Variants in AP4E1 observed in about 807,000 individuals in gnomAD.
The protein encoded by AP4E1 is adaptor related protein complex 4 subunit epsilon 1, also known as AP-4 complex subunit epsilon-1.
In AP4E1, 56 loss-of-function variants were observed where a neutral mutation model predicts 128.2. The observed-to-expected ratio is 0.44, with a 90% confidence interval of 0.35 to 0.55. The LOEUF (loss-of-function observed/expected upper bound fraction) is 0.55, where lower values mean the gene tolerates loss of function less well. AP4E1 is among the 20% of genes least tolerant of loss of function. The pLI, the probability that AP4E1 is intolerant of heterozygous loss-of-function variation, is 0.00. For synonymous variants in AP4E1, 484 were observed against 473.1 expected (o/e 1.02, Z -0.30); for missense variants, 1,324 against 1,307.7 (o/e 1.01, Z -0.19).
intron 15 of AP4E1, among the ~76,000 whole-genome samples, chr15:50,977,563 T>G (rs137903865): frequency 0.011 from 1,636 of 152,212 alleles, 28 homozygotes; most frequent in African/African-American, 0.038. Context: ...AGCAAGTATT[T>G]AATAAATACT....
chr15:50,947,140 G>A (rs2064073211), intron 10 of AP4E1, among the ~76,000 whole-genome samples: 1 of 152,084 alleles, frequency 6.6e-6, no homozygotes. Flanking sequence ...TACAGGCCAG[G>A]CACAGTGGCT....
chr15:50,985,919 A>G (rs1328738887), intron 16 of AP4E1, among the ~76,000 whole-genome samples: 9 of 152,084 alleles, frequency 5.9e-5, no homozygotes, highest in Non-Finnish European at 1.0e-4. Context: ...CCATTTTCAC[A>G]ATATTGATTC....
At chr15:50,917,074 A>G (rs2063639027) in intron 3 of AP4E1, among the ~76,000 whole-genome samples, 1 of 152,194 alleles carries the variant, frequency 6.6e-6, no homozygotes, top group East Asian at 1.9e-4. Context: ...TCATATGTTA[A>G]AGTCTTTCTA....
intron 17 of AP4E1, 106 bp from the exon 18 acceptor site, chr15:50,997,220 A>G: frequency 9.8e-7 from 1 of 1,025,106 alleles, no homozygotes; most frequent in African/African-American, 1.6e-5. Flanking sequence ...TATAGATAGA[A>G]CCTTAGCAAA....
intron 13 of AP4E1, 104 bp downstream of exon 13, chr15:50,950,273 T>G: frequency 1.3e-6 from 1 of 762,846 alleles, no homozygotes; most frequent in Non-Finnish European, 2.1e-6. Flanking sequence ...AGCTAACTCC[T>G]TCAGCTGTCA....
At chr15:50,919,389 G>A (rs1409077728) in intron 3 of AP4E1, among the ~76,000 whole-genome samples, 1 of 150,078 alleles carries the variant, frequency 6.7e-6, no homozygotes, top group Non-Finnish European at 1.5e-5. Flanking sequence ...AGAATTAGCT[G>A]GGCATGGTGG....
intron 3 of AP4E1, among the ~76,000 whole-genome samples, chr15:50,922,057 G>A (rs1484603343): frequency 6.6e-6 from 1 of 151,414 alleles, no homozygotes; most frequent in Non-Finnish European, 1.5e-5. Context: ...TGGGTGTGGT[G>A]GCTCACTCCT....
rs2065001835 is a variant in AP4E1, at chr15:51,004,834, G to A, written c.*2172G>A. On this transcript the variant is annotated 3_prime_UTR_variant, in exon 21 of 21. Transcript: ENST00000261842. ...ACTGAATATTTTAAGTTGTAAATCA[G>A]GTGTCCACCAACCTTTATTTTTGCA... is the stretch of plus-strand genomic sequence containing the variant. The A allele has an allele frequency of 6.6e-6, 1 of 152,134 alleles. No individual in the cohort carries two copies. The highest frequency in any genetic ancestry group is 2.4e-5 in the African/African-American group (1 of 41,378). 9.4% of individuals were successfully genotyped at this position (152,134 alleles called of 1,614,324 possible).
chr15:50,922,820 T>G (rs1490378272), intron 3 of AP4E1, among the ~76,000 whole-genome samples: 2 of 151,586 alleles, frequency 1.3e-5, no homozygotes, highest in African/African-American at 4.8e-5. Context: ...CTCTGTCGTC[T>G]GGTCTGGAGT....
intron 14 of AP4E1, among the ~76,000 whole-genome samples, chr15:50,964,855 G>A (rs536161041): frequency 1.3e-5 from 2 of 151,990 alleles, no homozygotes; most frequent in African/African-American, 4.8e-5. Context: ...GGAGTTGTTT[G>A]GGTTATGAAG....
chr15:50,991,398 T>A (rs1168154726), intron 16 of AP4E1, among the ~76,000 whole-genome samples: 4 of 152,328 alleles, frequency 2.6e-5, no homozygotes, highest in African/African-American at 9.6e-5. Context: ...ATAATACTAT[T>A]GTGGGTATTC....
At chr15:51,001,000 T>C (rs751353795) in intron 19 of AP4E1, 26 bp from the exon 20 acceptor site, 16 of 1,561,752 alleles carry the variant, frequency 1.0e-5, no homozygotes, top group Non-Finnish European at 1.3e-5. Flanking sequence ...TTTTGACATA[T>C]ATCTAATTTT....
At chr15:50,990,962 C>T (rs183206199) in intron 16 of AP4E1, among the ~76,000 whole-genome samples, 110 of 152,238 alleles carry the variant, frequency 7.2e-4, no homozygotes, top group Non-Finnish European at 1.4e-3. Context: ...CAGGTTTGGG[C>T]AGAAGTTAAG....
chr15:50,907,677 A>T (rs946106908), upstream of AP4E1, among the ~76,000 whole-genome samples: 1 of 152,204 alleles, frequency 6.6e-6, no homozygotes, highest in African/African-American at 2.4e-5. Context: ...CCAGCTAGTC[A>T]ATCGTCATCT....
At chr15:50,980,493 C>G (rs533410494) in intron 15 of AP4E1, among the ~76,000 whole-genome samples, 16 of 152,230 alleles carry the variant, frequency 1.1e-4, no homozygotes, top group African/African-American at 3.9e-4. Context: ...AATTTTCAGC[C>G]TGGCCATGTG....
intron 14 of AP4E1, among the ~76,000 whole-genome samples, chr15:50,966,027 T>A (rs2064387272): frequency 6.6e-6 from 1 of 152,092 alleles, no homozygotes; most frequent in Non-Finnish European, 1.5e-5. Context: ...AAGTGATTCT[T>A]CTGCCTCAGC....
At chr15:50,998,935 C>T in intron 18 of AP4E1, 137 bp from the exon 19 acceptor site, 1 of 765,224 alleles carries the variant, frequency 1.3e-6, no homozygotes, top group Non-Finnish European at 2.1e-6. Flanking sequence ...TGCCAGTCAT[C>T]TTCATAATGT....
At chr15:50,964,742 A>T (rs1315259997) in intron 14 of AP4E1, among the ~76,000 whole-genome samples, 1 of 152,152 alleles carries the variant, frequency 6.6e-6, no homozygotes, top group African/African-American at 2.4e-5. Context: ...CTGTAATCAT[A>T]ATCAGTGATG....
intron 1 of AP4E1, 95 bp from the exon 2 acceptor site, chr15:50,911,983 A>G (rs2063571908): frequency 2.1e-6 from 2 of 961,734 alleles, no homozygotes; most frequent in Non-Finnish European, 3.3e-6. Flanking sequence ...CTTTTAAATT[A>G]AAAGTATTGT....
Sources: allele counts gnomAD v4.1 joint callset (sites outside exome capture counted in the v4.1 genomes callset), GRCh38; gene constraint gnomAD v4.1.1; transcripts MANE v1.5; gene names NCBI Gene and HGNC (gene_info 2026-07-23, HGNC 2026-07-21).